Variants in EPS8L1 observed in about 807,000 individuals in gnomAD.
EPS8L1 encodes epidermal growth factor receptor kinase substrate 8-like protein 1.
In EPS8L1, 101 loss-of-function variants were observed where a neutral mutation model predicts 91.7. That is an observed-to-expected ratio of 1.10 (90% CI 0.94 to 1.30). The LOEUF (loss-of-function observed/expected upper bound fraction) is 1.30, where lower values mean the gene tolerates loss of function less well. Ranked by LOEUF, EPS8L1 falls within the 50% of genes most tolerant of loss-of-function variation. The pLI, the probability that EPS8L1 is intolerant of heterozygous loss-of-function variation, is 0.00. For synonymous variants in EPS8L1, 506 were observed against 445.3 expected, an observed-to-expected ratio of 1.14 and a Z score of -1.72; for missense variants, 1,114 against 1,017.0, an observed-to-expected ratio of 1.10 and a Z score of -1.30.
chr19:55,087,431 TGGA>T lies in EPS8L1; in HGVS notation c.2084_2085+1del, dbSNP rs1355414107. 2 of 1,613,984 alleles carry T rather than the reference TGGA, an allele frequency of 1.2e-6. No individual in the cohort carries two copies. The highest frequency in any genetic ancestry group is 1.7e-6 in the Non-Finnish European group (2 of 1,180,020). The stretch of plus-strand genomic sequence containing the variant: ...CAGGTCACCGTGCAGCGCTCGCTGC[TGGA>T]GGTGAGCCGGACCGCTGGTCCCTGG... On this transcript the variant is annotated inframe_deletion and splice_region_variant, in exon 19 of 20. Coordinates refer to ENST00000201647, the MANE Select transcript of EPS8L1 (RefSeq NM_133180.3).
chr19:55,084,271 C>G (rs555884379), intron 14 of EPS8L1: 2 of 159,706 alleles, frequency 1.3e-5, no homozygotes, highest in Admixed American at 1.2e-4. Context: ...TGCTGGGTGT[C>G]GGACTGGGTT....
chr19:55,080,956 A>G lies in EPS8L1; in HGVS notation c.512+102A>G, dbSNP rs1447142103. ...GGAACAGAACAAGAGTTTTGCATGG[A>G]GTCAAGCACACCCTAGTCGAGTCTT... On this transcript the variant is annotated intron_variant, in intron 7 of 19. Transcript: ENST00000201647. 6 of 1,131,058 alleles carry G rather than the reference A, an allele frequency of 5.3e-6. No homozygotes were observed. In the East Asian group the frequency reaches 1.3e-4, roughly 24 times the overall value. The allele number at this position is 1,131,058 out of a possible 1,614,324, so 70.1% of individuals were successfully genotyped here.
Position 55,080,757 on chromosome 19 carries a change from C to T in EPS8L1, c.430-15C>T, listed in dbSNP as rs780069104. The T allele has an allele frequency of 8.1e-6, 13 of 1,610,322 alleles. No individual in the cohort carries two copies. The highest frequency in any genetic ancestry group is 3.3e-4 in the Middle Eastern group (2 of 6,034). On this transcript the variant is annotated splice_polypyrimidine_tract_variant and intron_variant, in intron 6 of 19. Transcript: ENST00000201647. The stretch of plus-strand genomic sequence containing the variant: ...TGCGGCGTGGGGAGGCGTGGCCTGA[C>T]GGTGTGATTGGCAGGCGGAGCTGAT...
At chr19:55,087,281 C>T in intron 18 of EPS8L1, 22 bp from the exon 19 acceptor site, 1 of 1,582,282 alleles carries the variant, frequency 6.3e-7, no homozygotes, top group Non-Finnish European at 8.6e-7. Context: ...GGCCTGACCG[C>T]GCCCGGGCTG....
rs977161548 is a variant in EPS8L1, at chr19:55,082,133, G to A, written c.943G>A (p.Glu315Lys). ...GCGGGCCAAGCCGCCCTCGGAGGCCGAGTACACCGACGTGCTGCAGAAGAT... is the reference window on the plus strand; with the variant it reads ...GCGGGCCAAGCCGCCCTCGGAGGCCAAGTACACCGACGTGCTGCAGAAGAT... ...TLRAKPPSEA[E>K]YTDVLQKIKY... The change falls in exon 10 of 20, where the codon GAG becomes AAG. Residue 315 changes from glutamate (E) to lysine (K), a missense_variant. Transcript: ENST00000201647. 6.2e-7 allele frequency: 1 copy of A among 1,603,632 alleles called. No individual in the cohort carries two copies. The highest frequency in any genetic ancestry group is 8.5e-7 in the Non-Finnish European group (1 of 1,175,616).
chr19:55,079,194 T>G (rs529416092), intron 4 of EPS8L1, 137 bp downstream of exon 4: 1 of 851,286 alleles, frequency 1.2e-6, no homozygotes, highest in African/African-American at 1.7e-5. Context: ...AAAATGGACC[T>G]CCGTTGCCTC....
chr19:55,081,211 G>A lies in EPS8L1; in HGVS notation c.513-20G>A, dbSNP rs1468838489. 6.7e-7 allele frequency: 1 copy of A among 1,494,096 alleles called. No homozygotes were observed. Among genetic ancestry groups the A allele is most frequent in the Non-Finnish European group, 8.8e-7 (1 of 1,131,708 alleles). The allele number at this position is 1,494,096 out of a possible 1,614,324, so 92.6% of individuals were successfully genotyped here. A position where few individuals can be genotyped will look rare whatever the true frequency, so the allele number is the denominator to read the frequency against. On this transcript the variant is annotated intron_variant, in intron 7 of 19. Transcript: ENST00000201647. This position sits in a 1 kb window ranked among gnomAD's most constrained non-coding sequence, Gnocchi z 4.9. ...ACCCCTCAGTGGACCCAGTCTTGGTGTCCCCGTCGCCCTCCGCAGGGCCAC... is the reference window on the plus strand; with the variant it reads ...ACCCCTCAGTGGACCCAGTCTTGGTATCCCCGTCGCCCTCCGCAGGGCCAC...
intron 14 of EPS8L1, among the ~76,000 whole-genome samples, chr19:55,085,311 G>A (rs963995950): frequency 1.1e-4 from 16 of 152,122 alleles, no homozygotes; most frequent in Non-Finnish European, 1.6e-4. Flanking sequence ...GACTACAGGC[G>A]CGTGCCACCA....
Position 55,081,934 on chromosome 19 carries a change from TC to T in EPS8L1, c.901+38del, listed in dbSNP as rs746064036. ...ACCCTGGCGTGGGATCTGAACCCCC[TC>T]CCGATCTCTTCCAAATGTCCCCGCT... On this transcript the variant is annotated intron_variant, in intron 9 of 19. Transcript: ENST00000201647. The surrounding 1 kb of genome is among the most constrained non-coding windows in gnomAD (Gnocchi z 4.9). 1 of 1,595,582 alleles carries T rather than the reference TC, an allele frequency of 6.3e-7. No homozygotes were observed. The highest frequency in any genetic ancestry group is 1.7e-5 in the Admixed American group (1 of 57,440).
At position 55,081,122 on chromosome 19, in the gene EPS8L1, C is replaced by G. The variant is rs1237233333; in HGVS notation, c.513-109C>G. 1 of 1,327,350 alleles carries G rather than the reference C, an allele frequency of 7.5e-7. No individual in the cohort carries two copies. The highest frequency in any genetic ancestry group is 1.5e-5 in the African/African-American group (1 of 67,384). 82.2% of individuals were successfully genotyped at this position (1,327,350 alleles called of 1,614,324 possible). The stretch of plus-strand genomic sequence containing the variant: ...TTCTCCCTACCTCGTTGAACTTGTT[C>G]ACTCCCTTTGAGCCTTTTGAGCCTG... On this transcript the variant is annotated intron_variant, in intron 7 of 19. Coordinates refer to ENST00000201647, the MANE Select transcript of EPS8L1 (RefSeq NM_133180.3). The surrounding 1 kb of genome is among the most constrained non-coding windows in gnomAD (Gnocchi z 4.9).
rs2076354133 is a variant in EPS8L1 at position 55,086,519 on chromosome 19, G to C, written c.1777+1G>C. 2 of 1,551,044 alleles carry C rather than the reference G, an allele frequency of 1.3e-6. No homozygotes were observed. Among genetic ancestry groups the C allele is most frequent in the Non-Finnish European group, 1.7e-6 (2 of 1,146,776 alleles). On this transcript the variant is annotated splice_donor_variant, in intron 17 of 19. Coordinates refer to ENST00000201647, the MANE Select transcript of EPS8L1 (RefSeq NM_133180.3). LOFTEE classifies it high-confidence loss of function. The stretch of plus-strand genomic sequence containing the variant: ...AACGGCTTGGACCCCAGCGAGAAGG[G>C]TGAGTGGTGGGGACGCCGGCTGCGG...
intron 2 of EPS8L1, 74 bp downstream of exon 2, chr19:55,076,535 C>CTTGCGGCAGCCCAGACTGT: frequency 3.9e-6 from 6 of 1,541,626 alleles, no homozygotes; most frequent in Non-Finnish European, 5.3e-6. Context: ...CCCACACCCG[C>CTTGCGGCAGCCCAGACTGT]TTGCGGCAGC....
Position 55,082,293 on chromosome 19 carries a change from A to G in EPS8L1, c.1009A>G (p.Ile337Val). ...FSLLARLRGN[I>V]ADPSSPELLH... ...GCCCCAGGCCCGGCTGCGCGGCAAC[A>G]TCGCCGACCCCTCCTCTCCGGAGCT... is the stretch of plus-strand genomic sequence containing the variant. Residue 337 changes from isoleucine (I) to valine (V), a missense_variant, in exon 11 of 20, where the codon ATC becomes GTC. Transcript: ENST00000201647. The G allele has an allele frequency of 1.2e-6, 2 of 1,612,170 alleles. No homozygotes were observed. Among genetic ancestry groups the G allele is most frequent in the East Asian group, 2.2e-5 (1 of 44,802 alleles).
In EPS8L1 at chr19:55,086,806, C is replaced by G. The variant is rs764242742; in HGVS notation, c.1870C>G (p.Arg624Gly). 6.3e-7 allele frequency: 1 copy of G among 1,594,282 alleles called. No homozygotes were observed. Among genetic ancestry groups the G allele is most frequent in the Non-Finnish European group, 8.5e-7 (1 of 1,171,528 alleles). ...SGPSRAVPGP[R>G]APEPQLSPGS... ...ACCGAGCCGCGCAGTCCCAGGGCCC[C>G]GCGCCCCGGAACCGCAGCTCAGCCC... The change falls in exon 18 of 20, where the codon CGC (arginine) becomes GGC (glycine). Residue 624 changes from arginine to glycine, a missense_variant. Arg to Gly is a moderately radical substitution (Grantham distance 125). Coordinates refer to ENST00000201647, the MANE Select transcript of EPS8L1 (RefSeq NM_133180.3).
intron 5 of EPS8L1, 67 bp downstream of exon 5, chr19:55,079,918 C>A: frequency 6.6e-7 from 1 of 1,515,656 alleles, no homozygotes; most frequent in South Asian, 1.3e-5. Context: ...GGGTGTGAAT[C>A]TTGGCTCCTG....
At chr19:55,084,285 A>G (rs2076334763) in intron 14 of EPS8L1, 1 of 158,108 alleles carries the variant, frequency 6.3e-6, no homozygotes, top group Admixed American at 6.0e-5. Context: ...CTGGGTTAAA[A>G]GGTTTGAGGG....
chr19:55,084,973 C>T (rs937058804), intron 14 of EPS8L1, among the ~76,000 whole-genome samples: 10 of 152,144 alleles, frequency 6.6e-5, no homozygotes, highest in Admixed American at 2.0e-4. Context: ...CTCTCTTACT[C>T]TGTGACCTTT....
chr19:55,080,548 G>A, intron 6 of EPS8L1: 1 of 1,612,136 alleles, frequency 6.2e-7, no homozygotes, highest in Non-Finnish European at 8.5e-7. Context: ...CGAGGTGGGG[G>A]CGAGGAACCA....
chr19:55,076,139 G>GT (rs1568770057), intron 1 of EPS8L1, among the ~76,000 whole-genome samples: 22 of 38,040 alleles, frequency 5.8e-4, no homozygotes, highest in African/African-American at 3.1e-3. Context: ...AGGAGATGGG[G>GT]CCTGGACTCC....
Sources: allele counts gnomAD v4.1 joint callset (sites outside exome capture counted in the v4.1 genomes callset), GRCh38; gene constraint gnomAD v4.1.1; non-coding constraint Gnocchi (gnomAD v3.1); transcripts MANE v1.5; gene names NCBI Gene and HGNC (gene_info 2026-07-23, HGNC 2026-07-21).